Variants in CTNNBL1 observed in about 807,000 individuals in gnomAD.
CTNNBL1 encodes catenin beta like 1, also known as beta-catenin-like protein 1.
Under a neutral mutation model 72.7 loss-of-function variants are expected in CTNNBL1, and 31 were observed. That is an observed-to-expected ratio of 0.43 (90% CI 0.32 to 0.58). The LOEUF (loss-of-function observed/expected upper bound fraction) is 0.58, where lower values mean the gene tolerates loss of function less well. Ranked by LOEUF, CTNNBL1 falls within the 20% of genes least tolerant of loss-of-function variation. CTNNBL1 has a pLI of 0.08. For missense variants in CTNNBL1, 534 were observed against 725.1 expected, an observed-to-expected ratio of 0.74 and a Z score of 3.03; for synonymous variants, 240 against 267.3, an observed-to-expected ratio of 0.90 and a Z score of 1.00.
intron 15 of CTNNBL1, among the ~76,000 whole-genome samples, chr20:37,862,672 A>C: frequency 2.7e-5 from 4 of 149,016 alleles, no homozygotes; most frequent in Admixed American, 6.7e-5. Context: ...CTTCATTCCC[A>C]CCCCTCTGTT....
intron 1 of CTNNBL1, among the ~76,000 whole-genome samples, chr20:37,716,431 GT>G (rs760939681): frequency 2.0e-5 from 3 of 151,832 alleles, no homozygotes; most frequent in Non-Finnish European, 4.4e-5. Flanking sequence ...AGAGTTCTCT[GT>G]TTTTTTTCCA....
chr20:37,777,442 A>ATTC, intron 8 of CTNNBL1, 25 bp downstream of exon 8: 1 of 1,607,970 alleles, frequency 6.2e-7, no homozygotes, highest in Non-Finnish European at 8.5e-7. Flanking sequence ...CAGTATTGAT[A>ATTC]TTCTGTTAGG....
chr20:37,701,853 G>A (rs1222226282), intron 1 of CTNNBL1, among the ~76,000 whole-genome samples: 4 of 149,116 alleles, frequency 2.7e-5, no homozygotes, highest in Admixed American at 1.3e-4. Flanking sequence ...TACATCGTAC[G>A]CTCATCTCAG....
chr20:37,841,404 C>A (rs1266687822), intron 12 of CTNNBL1, among the ~76,000 whole-genome samples: 1 of 152,182 alleles, frequency 6.6e-6, no homozygotes, highest in African/African-American at 2.4e-5. Flanking sequence ...TCCCTGCACA[C>A]CTTGTCAGGT....
In CTNNBL1 at chr20:37,860,025, A is replaced by C; in HGVS notation, c.1519A>C (p.Asn507His). 1 of 1,614,122 alleles carries C rather than the reference A, an allele frequency of 6.2e-7. No individual in the cohort carries two copies. The highest frequency in any genetic ancestry group is 8.5e-7 in the Non-Finnish European group (1 of 1,180,016). The change falls in exon 14 of 16, where the codon AAT (asparagine) becomes CAT (histidine). Residue 507 changes from asparagine to histidine, a missense_variant. Coordinates refer to ENST00000361383, the MANE Select transcript of CTNNBL1 (RefSeq NM_030877.5). ...CATCATGGCCGAGATCTGCAATGCC[A>C]ATGTCCCCCAGGTAGGAGGGTCTTC... is the stretch of plus-strand genomic sequence containing the variant. The part of the protein sequence containing the change: ...CYIMAEICNA[N>H]VPQIRQRVHQ...
At chr20:37,855,326 A>G (rs977653875) in intron 13 of CTNNBL1, among the ~76,000 whole-genome samples, 5 of 151,962 alleles carry the variant, frequency 3.3e-5, no homozygotes, top group African/African-American at 1.2e-4. Context: ...CCCCAAATAG[A>G]CTTAGTCCAG....
intron 13 of CTNNBL1, among the ~76,000 whole-genome samples, chr20:37,843,636 G>A (rs1016584554): frequency 6.6e-6 from 1 of 152,180 alleles, no homozygotes; most frequent in African/African-American, 2.4e-5. Flanking sequence ...CTATCACTGC[G>A]CTTTTAATTC....
chr20:37,853,731 A>T (rs946103306), intron 13 of CTNNBL1, among the ~76,000 whole-genome samples: 31 of 152,194 alleles, frequency 2.0e-4, no homozygotes, highest in Admixed American at 1.3e-4. Context: ...AAGATAGAGG[A>T]CTGCCCACAC....
chr20:37,835,273 C>A (rs1032247457), intron 11 of CTNNBL1, among the ~76,000 whole-genome samples: 9 of 152,204 alleles, frequency 5.9e-5, no homozygotes, highest in Non-Finnish European at 1.0e-4. Flanking sequence ...TAACAGATCA[C>A]GGGCCTTCTC....
At chr20:37,747,038 A>G (rs1302942652) in intron 4 of CTNNBL1, among the ~76,000 whole-genome samples, 3 of 152,232 alleles carry the variant, frequency 2.0e-5, no homozygotes, top group African/African-American at 7.2e-5. Flanking sequence ...GCACATTTGG[A>G]TGTCCAGGAG....
intron 1 of CTNNBL1, among the ~76,000 whole-genome samples, chr20:37,709,718 C>T (rs1006818333): frequency 2.0e-5 from 3 of 152,102 alleles, no homozygotes; most frequent in African/African-American, 4.8e-5. Flanking sequence ...TAGTGAAACT[C>T]GGCAATAAAG....
At chr20:37,761,377 A>C (rs2073416236) in intron 5 of CTNNBL1, among the ~76,000 whole-genome samples, 1 of 152,212 alleles carries the variant, frequency 6.6e-6, no homozygotes, top group African/African-American at 2.4e-5. Flanking sequence ...TTGAAGCCCT[A>C]TCTTGGTTTG....
chr20:37,833,225 A>T (rs1232713821), intron 11 of CTNNBL1, among the ~76,000 whole-genome samples: 1 of 152,214 alleles, frequency 6.6e-6, no homozygotes, highest in African/African-American at 2.4e-5. Flanking sequence ...TGAAAATTAT[A>T]AAACTCGAAC....
intron 13 of CTNNBL1, among the ~76,000 whole-genome samples, chr20:37,849,418 G>C (rs1411779053): frequency 1.3e-5 from 2 of 152,092 alleles, no homozygotes; most frequent in Non-Finnish European, 2.9e-5. Context: ...TCACCCTCGT[G>C]ATGTACAAAA....
rs1254465075 is a variant in CTNNBL1 at position 37,842,344 on chromosome 20, C to G, written c.1317C>G (p.Asp439Glu). ...KFTENDSEKV[D>E]RLMELHFKYL... ...CTGTGAAATCTCTCTTTCAGGTTGA[C>G]AGACTAATGGAGTTGCATTTTAAAT... is the stretch of plus-strand genomic sequence containing the variant. Residue 439 changes from aspartate (D) to glutamate (E), a missense_variant, in exon 13 of 16, where the codon GAC (aspartate) becomes GAG (glutamate). Physicochemically the swap from Asp to Glu is conservative, Grantham distance 45 (BLOSUM62 2). Coordinates refer to ENST00000361383, the MANE Select transcript of CTNNBL1 (RefSeq NM_030877.5). 4 of 1,611,502 alleles carry G rather than the reference C, an allele frequency of 2.5e-6. No homozygotes were observed. Among genetic ancestry groups the G allele is most frequent in the Non-Finnish European group, 3.4e-6 (4 of 1,177,558 alleles).
intron 15 of CTNNBL1, among the ~76,000 whole-genome samples, chr20:37,870,903 G>A (rs1287539016): frequency 2.0e-5 from 3 of 152,088 alleles, no homozygotes; most frequent in Non-Finnish European, 4.4e-5. Flanking sequence ...CCTGCCACTC[G>A]CTCCTAGACC....
In CTNNBL1 at chr20:37,788,503, A is replaced by T. The variant is rs76436618; in HGVS notation, c.1031+9168A>T. Among the ~76,000 whole-genome samples, 641 of 152,158 alleles carry T rather than the reference A, an allele frequency of 4.2e-3. 5 individuals carry two copies. Among genetic ancestry groups the T allele is most frequent in the African/African-American group, 0.015 (605 of 41,500 alleles). ...ATATTTAGTTCTGTTTTCCCTGTCA[A>T]ATTTTTCAGTGCATGGAAAGCACAA... On this transcript the variant is annotated intron_variant, in intron 10 of 15. Coordinates refer to ENST00000361383, the MANE Select transcript of CTNNBL1 (RefSeq NM_030877.5).
intron 11 of CTNNBL1, among the ~76,000 whole-genome samples, chr20:37,819,714 C>T (rs1935897683): frequency 6.6e-6 from 1 of 152,124 alleles, no homozygotes; most frequent in South Asian, 2.1e-4. Context: ...CCCTCCTACA[C>T]CAGCCTGAGC....
At chr20:37,718,325 G>A (rs1245901414) in intron 1 of CTNNBL1, among the ~76,000 whole-genome samples, 3 of 141,028 alleles carry the variant, frequency 2.1e-5, no homozygotes, top group Non-Finnish European at 3.0e-5. Context: ...GCGGCTGGCC[G>A]GGCAGGGGGG....
Sources: gnomAD v4.1 joint callset for allele counts (sites outside exome capture counted in the v4.1 genomes callset) on GRCh38, gnomAD v4.1.1 for gene constraint, MANE v1.5 for transcripts, NCBI Gene and HGNC (gene_info 2026-07-23, HGNC 2026-07-21) for gene names.